Variants in FBLN2 observed in about 807,000 individuals in gnomAD.
The protein encoded by FBLN2 is fibulin 2.
A neutral mutation model predicts 123.7 loss-of-function variants in FBLN2; 81 were observed. The observed-to-expected ratio is 0.65, with a 90% CI of 0.55 to 0.79. The LOEUF (loss-of-function observed/expected upper bound fraction) is 0.79, where lower values mean the gene tolerates loss of function less well. Among genes scored for constraint, FBLN2 ranks in the 30% least tolerant of loss-of-function variants. The probability of loss-of-function intolerance (pLI) is 0.00; values close to 1 mark genes in which losing one functional copy is unlikely to be tolerated. For synonymous variants in FBLN2, 699 were observed against 701.4 expected (o/e 1.00, Z 0.05); for missense variants, 1,603 against 1,681.3 (o/e 0.95, Z 0.81).
intron 1 of FBLN2, among the ~76,000 whole-genome samples, chr3:13,562,311 ATTATTGTCCT>A (rs1290827955): frequency 6.8e-6 from 1 of 146,544 alleles, no homozygotes; most frequent in Non-Finnish European, 1.5e-5. Flanking sequence ...CACATTTGTG[ATTATTGTCCT>A]TTATTTTGGT....
rs3821604 is a variant in FBLN2 at position 13,623,086 on chromosome 3, G to A, written c.2296+1171G>A. ...CCTCGCCTTTCACCACTGGGCACAC[G>A]GGCCCATGGTGCTGGGCTGAATGCC... is the stretch of plus-strand genomic sequence containing the variant. On this transcript the variant is annotated intron_variant, in intron 9 of 17. Transcript: ENST00000404922. Among the ~76,000 whole-genome samples, 1,393 of 152,316 alleles carry A rather than the reference G, an allele frequency of 9.1e-3. 52 individuals carry two copies. In the East Asian group the frequency reaches 0.11, roughly 12 times the overall value.
At chr3:13,549,327 G>A (rs932645950) in intron 1 of FBLN2, 119 bp downstream of exon 1, 10 of 642,234 alleles carry the variant, frequency 1.6e-5, no homozygotes, top group African/African-American at 1.4e-4. Context: ...CGCGCCTCGC[G>A]GGCTGCCCGC....
At chr3:13,602,898 TTTTC>T (rs1311074372) in intron 2 of FBLN2, among the ~76,000 whole-genome samples, 1 of 151,884 alleles carries the variant, frequency 6.6e-6, no homozygotes, top group Non-Finnish European at 1.5e-5. Context: ...TTTGGCCCTT[TTTTC>T]TTTCTTTCTT....
rs201003792 is a variant in FBLN2, at chr3:13,637,615, C to T, written c.3392C>T (p.Ala1131Val). 2.8e-5 allele frequency: 45 copies of T among 1,613,772 alleles called. No individual in the cohort carries two copies. Among genetic ancestry groups the T allele is most frequent in the East Asian group, 2.5e-4 (11 of 44,882 alleles). Residue 1131 changes from alanine (A) to valine (V), a missense_variant, in exon 18 of 18, where the codon GCG (alanine) becomes GTG (valine). Ala to Val is a moderately conservative substitution (Grantham distance 64). Transcript: ENST00000404922. ...TTCCTGGAGTGCCAGAACTCGCCAG[C>T]GCGCATCACGCACTACCAGCTCAAC... ...HDFLECQNSPARITHYQLNFQ... is the reference protein window; with the variant it reads ...HDFLECQNSPVRITHYQLNFQ...
intron 10 of FBLN2, 46 bp from the exon 11 acceptor site, chr3:13,627,786 G>A: frequency 6.3e-7 from 1 of 1,578,908 alleles, no homozygotes; most frequent in Non-Finnish European, 8.6e-7. Context: ...GAGTGTAAAG[G>A]CAGGACCTGC....
chr3:13,617,391 C>G (rs142377936), intron 5 of FBLN2, among the ~76,000 whole-genome samples: 147 of 151,890 alleles, frequency 9.7e-4, no homozygotes, highest in Non-Finnish European at 1.8e-3. Context: ...TCCACCCACT[C>G]ACCCATCCAT....
At chr3:13,631,492 C>T in intron 16 of FBLN2, 35 bp downstream of exon 16, 1 of 1,559,004 alleles carries the variant, frequency 6.4e-7, no homozygotes, top group Non-Finnish European at 8.7e-7. Context: ...CCGCCTCCAT[C>T]AGGGCCTTGG....
chr3:13,622,484 G>A (rs1182587349), intron 9 of FBLN2, among the ~76,000 whole-genome samples: 1 of 152,232 alleles, frequency 6.6e-6, no homozygotes, highest in Non-Finnish European at 1.5e-5. Context: ...ATGGGGTCCA[G>A]CAGAGCCCGC....
At chr3:13,566,742 C>G (rs1029364072) in intron 1 of FBLN2, among the ~76,000 whole-genome samples, 9 of 152,340 alleles carry the variant, frequency 5.9e-5, no homozygotes, top group Non-Finnish European at 1.3e-4. Context: ...CTCAGGGTGG[C>G]CAGAGCTCTG....
At chr3:13,556,470 G>T (rs1435493584) in intron 1 of FBLN2, among the ~76,000 whole-genome samples, 3 of 152,180 alleles carry the variant, frequency 2.0e-5, no homozygotes, top group Non-Finnish European at 4.4e-5. Flanking sequence ...TCCTAATGGG[G>T]GGCCCCACCC....
chr3:13,616,636 C>A (rs1357869609), intron 5 of FBLN2, among the ~76,000 whole-genome samples: 2 of 152,318 alleles, frequency 1.3e-5, no homozygotes, highest in Non-Finnish European at 2.9e-5. Flanking sequence ...TCTCTGTGGG[C>A]TCTGCTGCCT....
At chr3:13,569,978 A>G (rs1412730495) in intron 1 of FBLN2, among the ~76,000 whole-genome samples, 3 of 151,844 alleles carry the variant, frequency 2.0e-5, no homozygotes, top group East Asian at 1.9e-4. Context: ...GGGGCTGTGC[A>G]TGTGTGTGTG....
At chr3:13,569,655 C>T (rs554691088) in intron 1 of FBLN2, among the ~76,000 whole-genome samples, 1 of 152,058 alleles carries the variant, frequency 6.6e-6, no homozygotes, top group Admixed American at 6.6e-5. Flanking sequence ...GCCTGCAGTC[C>T]CGAGGGTCTC....
At chr3:13,572,310 T>G (rs1047139322) in intron 2 of FBLN2, among the ~76,000 whole-genome samples, 4 of 152,228 alleles carry the variant, frequency 2.6e-5, no homozygotes. Flanking sequence ...CCTCACTCCA[T>G]GGAGGCCCCT....
intron 4 of FBLN2, 187 bp from the exon 5 acceptor site, chr3:13,613,797 T>TA (rs1263433638): frequency 6.1e-5 from 33 of 544,452 alleles, no homozygotes; most frequent in Non-Finnish European, 7.9e-5. Flanking sequence ...TCAAAAGACT[T>TA]ACATTAGTCC....
chr3:13,610,396 TG>T (rs1344029078), intron 4 of FBLN2, among the ~76,000 whole-genome samples: 1 of 152,042 alleles, frequency 6.6e-6, no homozygotes, highest in African/African-American at 2.4e-5. Flanking sequence ...TTCTCTCACA[TG>T]GGAGGTGGGA....
intron 2 of FBLN2, among the ~76,000 whole-genome samples, chr3:13,575,528 TG>T (rs1704108465): frequency 6.6e-6 from 1 of 151,986 alleles, no homozygotes; most frequent in Admixed American, 6.6e-5. Context: ...GGGACTCAGT[TG>T]GGGGCCTAAC....
At chr3:13,611,144 A>G (rs984314649) in intron 4 of FBLN2, among the ~76,000 whole-genome samples, 4 of 152,020 alleles carry the variant, frequency 2.6e-5, no homozygotes, top group African/African-American at 9.7e-5. Flanking sequence ...ATGGGGTTTC[A>G]CCACATTGGC....
chr3:13,578,493 G>A (rs187539152), intron 2 of FBLN2, among the ~76,000 whole-genome samples: 4 of 152,278 alleles, frequency 2.6e-5, no homozygotes, highest in African/African-American at 4.8e-5. Flanking sequence ...TTAGCACGAT[G>A]TTTTCAGGGT....
Sources: allele counts gnomAD v4.1 joint callset (sites outside exome capture counted in the v4.1 genomes callset), GRCh38; gene constraint gnomAD v4.1.1; transcripts MANE v1.5; gene names NCBI Gene and HGNC (gene_info 2026-07-23, HGNC 2026-07-21).